Variants in STAG1 observed in about 807,000 individuals in gnomAD.
STAG1 encodes the protein STAG1 cohesin complex component.
In STAG1, 26 loss-of-function variants were observed where a neutral mutation model predicts 170.9. The ratio of observed to expected loss-of-function variants is 0.15; its 90% CI spans 0.11 to 0.21. STAG1 has a LOEUF of 0.21. Among genes scored for constraint, STAG1 ranks in the 10% least tolerant of loss-of-function variants. STAG1 has a pLI of 1.00. For missense variants in STAG1, 964 were observed against 1,509.5 expected, an observed-to-expected ratio of 0.64 and a Z score of 5.99; for synonymous variants, 514 against 497.7, an observed-to-expected ratio of 1.03 and a Z score of -0.44.
intron 1 of STAG1, among the ~76,000 whole-genome samples, chr3:136,656,879 C>T (rs1248658845): frequency 6.6e-6 from 1 of 151,888 alleles, no homozygotes; most frequent in Non-Finnish European, 1.5e-5. Flanking sequence ...GTATCAAGAC[C>T]TTTAAAAATC....
intron 7 of STAG1, among the ~76,000 whole-genome samples, chr3:136,508,869 T>C (rs1445055821): frequency 6.6e-6 from 1 of 152,184 alleles, no homozygotes; most frequent in Admixed American, 6.5e-5. Context: ...TGTGTGTGTG[T>C]CTGTGTGCGC....
chr3:136,408,778 C>A (rs1186488214), intron 21 of STAG1, among the ~76,000 whole-genome samples: 2 of 151,940 alleles, frequency 1.3e-5, no homozygotes, highest in Non-Finnish European at 1.5e-5. Context: ...GAGGCATTAA[C>A]CTAGATTCAT....
intron 15 of STAG1, among the ~76,000 whole-genome samples, chr3:136,442,764 G>T (rs1209192878): frequency 6.6e-6 from 1 of 152,142 alleles, no homozygotes; most frequent in Non-Finnish European, 1.5e-5. Context: ...TTTTGGCCAG[G>T]TGCAGTGGCT....
At chr3:136,341,369 C>A in intron 31 of STAG1, 72 bp downstream of exon 31, 1 of 1,023,000 alleles carries the variant, frequency 9.8e-7, no homozygotes. Context: ...ATCAAAGAAA[C>A]CCAAGTCATT....
At chr3:136,633,038 A>C (rs1295681162) in intron 1 of STAG1, among the ~76,000 whole-genome samples, 1 of 152,168 alleles carries the variant, frequency 6.6e-6, no homozygotes, top group Non-Finnish European at 1.5e-5. Context: ...TCACTAAATA[A>C]ACAGATGACT....
intron 16 of STAG1, among the ~76,000 whole-genome samples, chr3:136,428,042 T>G (rs1354385218): frequency 6.6e-6 from 1 of 151,218 alleles, no homozygotes; most frequent in Non-Finnish European, 1.5e-5. Context: ...GATATCTGCC[T>G]GCAAAGGTTT....
chr3:136,492,604 G>A (rs2090143982), intron 9 of STAG1, among the ~76,000 whole-genome samples: 1 of 152,192 alleles, frequency 6.6e-6, no homozygotes, highest in African/African-American at 2.4e-5. Flanking sequence ...TAATCTCTGA[G>A]AGGGGATAAC....
At chr3:136,373,949 T>C (rs1297380820) in intron 23 of STAG1, among the ~76,000 whole-genome samples, 1 of 152,170 alleles carries the variant, frequency 6.6e-6, no homozygotes, top group Non-Finnish European at 1.5e-5. Flanking sequence ...GGTGTTAAAG[T>C]CTCCCATTAT....
intron 1 of STAG1, among the ~76,000 whole-genome samples, chr3:136,692,580 A>G (rs1158028786): frequency 6.6e-6 from 1 of 152,162 alleles, no homozygotes; most frequent in Non-Finnish European, 1.5e-5. Context: ...GGTTGCAGCA[A>G]GCCAAGATCG....
At chr3:136,467,028 A>G (rs989389305) in intron 12 of STAG1, among the ~76,000 whole-genome samples, 3 of 152,212 alleles carry the variant, frequency 2.0e-5, no homozygotes, top group Non-Finnish European at 4.4e-5. Context: ...AGGAACAACC[A>G]GTACCAGCCA....
chr3:136,477,859 C>T (rs906437302), intron 9 of STAG1, among the ~76,000 whole-genome samples: 6 of 152,094 alleles, frequency 3.9e-5, no homozygotes, highest in East Asian at 1.9e-4. Context: ...GGCATGATTT[C>T]GGCTGACTGC....
chr3:136,713,738 C>G (rs901967110), intron 1 of STAG1, among the ~76,000 whole-genome samples: 9 of 151,756 alleles, frequency 5.9e-5, no homozygotes, highest in Non-Finnish European at 1.2e-4. Context: ...AAATTTATAA[C>G]TTGGCTGGGC....
intron 4 of STAG1, among the ~76,000 whole-genome samples, chr3:136,572,519 G>C (rs1937299513): frequency 1.3e-5 from 2 of 149,608 alleles, no homozygotes; most frequent in African/African-American, 4.9e-5. Context: ...TTAAGCCCAG[G>C]AGGTGGAGGT....
chr3:136,471,941 G>A (rs1216703997), intron 12 of STAG1, among the ~76,000 whole-genome samples: 2 of 152,054 alleles, frequency 1.3e-5, no homozygotes, highest in African/African-American at 2.4e-5. Flanking sequence ...GGGCTCAAGC[G>A]ACCCTCCCAC....
At chr3:136,621,470 G>A (rs1233024255) in intron 3 of STAG1, among the ~76,000 whole-genome samples, 1 of 152,082 alleles carries the variant, frequency 6.6e-6, no homozygotes, top group Non-Finnish European at 1.5e-5. Flanking sequence ...GGTAGTAATG[G>A]GAACTAGAAT....
chr3:136,749,828 C>A (rs1296077735), intron 1 of STAG1, among the ~76,000 whole-genome samples: 2 of 151,364 alleles, frequency 1.3e-5, no homozygotes, highest in Non-Finnish European at 2.9e-5. Context: ...GCCTGAGATG[C>A]TCAGCTATAC....
intron 5 of STAG1, among the ~76,000 whole-genome samples, chr3:136,547,244 G>A (rs1474344808): frequency 1.3e-5 from 2 of 152,108 alleles, no homozygotes; most frequent in African/African-American, 4.8e-5. Context: ...CCTAACATTA[G>A]TATAGTACAA....
At chr3:136,455,094 CAAAG>C (rs2089067883) in intron 13 of STAG1, among the ~76,000 whole-genome samples, 1 of 152,102 alleles carries the variant, frequency 6.6e-6, no homozygotes, top group South Asian at 2.1e-4. Context: ...TTGATTTTCA[CAAAG>C]AAACAAAAAC....
intron 12 of STAG1, among the ~76,000 whole-genome samples, chr3:136,465,451 T>C (rs2089425668): frequency 6.8e-6 from 1 of 147,544 alleles, no homozygotes; most frequent in East Asian, 2.1e-4. Flanking sequence ...TAACTCCTGA[T>C]CTCAGATAAT....
Sources: gnomAD v4.1 joint callset for allele counts (sites outside exome capture counted in the v4.1 genomes callset) on GRCh38, gnomAD v4.1.1 for gene constraint, MANE v1.5 for transcripts, NCBI Gene and HGNC (gene_info 2026-07-23, HGNC 2026-07-21) for gene names.